Variants in MLLT3 observed in about 807,000 individuals in gnomAD.
MLLT3 encodes protein AF-9.
A neutral mutation model predicts 53.2 loss-of-function variants in MLLT3; 4 were observed. The ratio of observed to expected loss-of-function variants is 0.08; its 90% confidence interval spans 0.04 to 0.17. The LOEUF (loss-of-function observed/expected upper bound fraction) is 0.17. Among genes scored for constraint, MLLT3 ranks in the 10% least tolerant of loss-of-function variants. MLLT3 has a pLI of 1.00. For synonymous variants in MLLT3, 283 were observed against 230.6 expected (o/e 1.23, Z -2.06); for missense variants, 569 against 684.0 (o/e 0.83, Z 1.87).
rs767176622 is a variant in MLLT3 at position 20,621,027 on chromosome 9, C to T, written c.13-193G>A. On this transcript the variant is annotated intron_variant, in intron 1 of 10. Transcript: ENST00000380338. The surrounding 1 kb of genome is among the most constrained non-coding windows in gnomAD (Gnocchi z 7.0). ...CCCAAATATACCCGCCCGCCCGGCC[C>T]GGCTTGGCCCCAGGCGCCCCGGGCC... is the stretch of plus-strand genomic sequence containing the variant. 2.7e-6 allele frequency: 2 copies of T among 734,842 alleles called. No individual in the cohort carries two copies. Among genetic ancestry groups the T allele is most frequent in the Admixed American group, 4.1e-5 (2 of 49,114 alleles). The allele number at this position is 734,842 out of a possible 1,614,324, so 45.5% of individuals were successfully genotyped here.
intron 2 of MLLT3, among the ~76,000 whole-genome samples, chr9:20,586,460 T>C (rs1349368969): frequency 6.6e-6 from 1 of 151,338 alleles, no homozygotes; most frequent in Non-Finnish European, 1.5e-5. Flanking sequence ...GTGATATCAC[T>C]GACTTCGTAC....
At chr9:20,542,937 A>G (rs1818681289) in intron 2 of MLLT3, among the ~76,000 whole-genome samples, 1 of 152,324 alleles carries the variant, frequency 6.6e-6, no homozygotes, top group Non-Finnish European at 1.5e-5. Flanking sequence ...TTGCTGCTTC[A>G]CCTTGCACTT....
intron 2 of MLLT3, among the ~76,000 whole-genome samples, chr9:20,600,532 A>G (rs1820395621): frequency 6.6e-6 from 1 of 152,234 alleles, no homozygotes; most frequent in Non-Finnish European, 1.5e-5. Flanking sequence ...CTCCTCAGGA[A>G]TAACAGCAAT....
chr9:20,402,200 A>G (rs1227186594), intron 5 of MLLT3, among the ~76,000 whole-genome samples: 2 of 152,200 alleles, frequency 1.3e-5, no homozygotes, highest in African/African-American at 4.8e-5. Flanking sequence ...TGCTTAGGAC[A>G]TGGTTTCTAC....
rs560477009 is a variant in MLLT3, at chr9:20,441,119, T to C, written c.420+7004A>G. On this transcript the variant is annotated intron_variant, in intron 4 of 10. Transcript: ENST00000380338. ...AGTCTTTGCTTAGTTTATGCAGTAA[T>C]GGCGTTTGAGCTTTCAGCAGAGTGG... Among the ~76,000 whole-genome samples, 8 of 152,312 alleles carry C rather than the reference T, an allele frequency of 5.3e-5. No individual in the cohort carries two copies. In the East Asian group the frequency reaches 9.6e-4, roughly 18 times the overall value.
intron 3 of MLLT3, among the ~76,000 whole-genome samples, chr9:20,451,392 A>C (rs1265353074): frequency 6.6e-6 from 1 of 152,216 alleles, no homozygotes; most frequent in Non-Finnish European, 1.5e-5. Context: ...TACCAGCATA[A>C]AAAGAATGAG....
At chr9:20,416,982 T>C (rs1822887387) in intron 4 of MLLT3, among the ~76,000 whole-genome samples, 2 of 151,896 alleles carry the variant, frequency 1.3e-5, no homozygotes, top group Non-Finnish European at 2.9e-5. Flanking sequence ...GACATTAAAT[T>C]GTCACTGACA....
chr9:20,410,008 A>C (rs551561306), intron 5 of MLLT3, among the ~76,000 whole-genome samples: 7 of 152,306 alleles, frequency 4.6e-5, no homozygotes, highest in Middle Eastern at 3.4e-3. Flanking sequence ...AAAAAGCTGA[A>C]AGATCTGAGA....
At chr9:20,512,284 G>C (rs1184729316) in intron 2 of MLLT3, among the ~76,000 whole-genome samples, 1 of 152,134 alleles carries the variant, frequency 6.6e-6, no homozygotes, top group East Asian at 1.9e-4. Context: ...ATTTTTCTTA[G>C]ATGTTTAATA....
At chr9:20,453,816 A>C (rs1823896083) in intron 3 of MLLT3, among the ~76,000 whole-genome samples, 1 of 152,224 alleles carries the variant, frequency 6.6e-6, no homozygotes, top group Non-Finnish European at 1.5e-5. Flanking sequence ...AGTACTGTAC[A>C]GAATTCTATG....
chr9:20,446,325 A>C (rs997150289), intron 4 of MLLT3, among the ~76,000 whole-genome samples: 3 of 152,194 alleles, frequency 2.0e-5, no homozygotes, highest in African/African-American at 7.2e-5. Flanking sequence ...ACAAAGAAGG[A>C]AAGTTAGAAG....
intron 2 of MLLT3, among the ~76,000 whole-genome samples, chr9:20,542,495 C>T (rs549590930): frequency 1.3e-5 from 2 of 152,258 alleles, no homozygotes; most frequent in South Asian, 4.2e-4. Flanking sequence ...CATGATCCAC[C>T]CGCCTCGGCC....
chr9:20,602,967 C>G (rs1820468419), intron 2 of MLLT3, among the ~76,000 whole-genome samples: 1 of 152,066 alleles, frequency 6.6e-6, no homozygotes, highest in Admixed American at 6.6e-5. Context: ...AGTTGGCTAA[C>G]ATGTGGCTCT....
At chr9:20,588,917 T>C (rs187785349) in intron 2 of MLLT3, among the ~76,000 whole-genome samples, 3,558 of 151,414 alleles carry the variant, frequency 0.023, 120 homozygotes, top group East Asian at 0.14. Flanking sequence ...ATGGCAATCA[T>C]TAAAAAGTCA....
intron 2 of MLLT3, among the ~76,000 whole-genome samples, chr9:20,613,224 C>T (rs1356657694): frequency 2.6e-5 from 4 of 152,038 alleles, no homozygotes; most frequent in African/African-American, 7.2e-5. Flanking sequence ...GCAATGGTTA[C>T]ACAACCTTAT....
chr9:20,420,543 T>C (rs1822982536), intron 4 of MLLT3, among the ~76,000 whole-genome samples: 1 of 152,188 alleles, frequency 6.6e-6, no homozygotes, highest in Non-Finnish European at 1.5e-5. Flanking sequence ...AAAAGGTATT[T>C]AATAAGAAGA....
At chr9:20,484,910 T>A (rs544912614) in intron 2 of MLLT3, among the ~76,000 whole-genome samples, 2 of 152,312 alleles carry the variant, frequency 1.3e-5, no homozygotes, top group South Asian at 4.1e-4. Context: ...GGAGTATGTA[T>A]GGTAAAGGTC....
intron 2 of MLLT3, among the ~76,000 whole-genome samples, chr9:20,540,450 T>C (rs566082486): frequency 5.3e-5 from 8 of 152,324 alleles, no homozygotes; most frequent in Non-Finnish European, 8.8e-5. Flanking sequence ...ACCTCAATTC[T>C]TGCCTTCTGC....
rs1820977891 is a variant in MLLT3, at chr9:20,620,641, A to T, written c.193+13T>A. On this transcript the variant is annotated intron_variant, in intron 2 of 10. Coordinates refer to ENST00000380338, the MANE Select transcript of MLLT3 (RefSeq NM_004529.4). This position sits in a 1 kb window ranked among gnomAD's most constrained non-coding sequence, Gnocchi z 6.1. The stretch of plus-strand genomic sequence containing the variant: ...ACATTTTTTATCAAGACCCTTTTGT[A>T]TTCGAGCCCTACCTCTTTTTGGCCT... 3.7e-6 allele frequency: 6 copies of T among 1,611,668 alleles called. No individual in the cohort carries two copies. The South Asian group carries it at 6.6e-5, about 18-fold the overall frequency.
Sources: allele counts gnomAD v4.1 joint callset (sites outside exome capture counted in the v4.1 genomes callset), GRCh38; gene constraint gnomAD v4.1.1; non-coding constraint Gnocchi (gnomAD v3.1); transcripts MANE v1.5; gene names NCBI Gene and HGNC (gene_info 2026-07-23, HGNC 2026-07-21).